The following TET1 variants were observed in gnomAD, a reference collection of about 807,000 sequenced individuals.
TET1 encodes methylcytosine dioxygenase TET1.
TET1 carries 13 observed loss-of-function variants against 148.7 expected under a neutral mutation model. The observed-to-expected ratio is 0.09, with a 90% CI of 0.06 to 0.14. The LOEUF (loss-of-function observed/expected upper bound fraction) is 0.14. Ranked by LOEUF, TET1 falls within the 10% of genes least tolerant of loss-of-function variation. The probability of loss-of-function intolerance (pLI) is 1.00; values close to 1 mark genes in which losing one functional copy is unlikely to be tolerated. For synonymous variants in TET1, 907 were observed against 937.2 expected, an observed-to-expected ratio of 0.97 and a Z score of 0.59; for missense variants, 2,182 against 2,553.8, an observed-to-expected ratio of 0.85 and a Z score of 3.14.
chr10:68,680,992 C>G (rs139074502), intron 8 of TET1, among the ~76,000 whole-genome samples: 1 of 152,306 alleles, frequency 6.6e-6, no homozygotes, highest in East Asian at 1.9e-4. Flanking sequence ...TATGTACTCT[C>G]TCTTCTCCGT....
At chr10:68,669,528 G>A (rs1313293170) in intron 7 of TET1, among the ~76,000 whole-genome samples, 1 of 65,734 alleles carries the variant, frequency 1.5e-5, no homozygotes, top group Admixed American at 1.8e-4. Context: ...GTTTTTTTTT[G>A]TATTTTTAGT....
Position 68,617,720 on chromosome 10 carries a change from A to T in TET1, c.1968+16686A>T, listed in dbSNP as rs192681620. ...CGCCACCACGTCTGGCTAATTTTGT[A>T]TTTTTAGTAGAGGCGGGGTTTCACC... On this transcript the variant is annotated intron_variant, in intron 3 of 11. Transcript: ENST00000373644. Among the ~76,000 whole-genome samples, 253 of 151,410 alleles carry T rather than the reference A, an allele frequency of 1.7e-3. 2 individuals are homozygous for T. Among genetic ancestry groups the T allele is most frequent in the African/African-American group, 5.9e-3 (244 of 41,266 alleles).
intron 11 of TET1, 144 bp downstream of exon 11, chr10:68,686,851 G>A: frequency 2.4e-5 from 18 of 737,638 alleles, no homozygotes; most frequent in East Asian, 5.7e-5. Flanking sequence ...CAACAAAAAA[G>A]TGACCCATCA....
chr10:68,585,309 T>C (rs1326037441), intron 2 of TET1, among the ~76,000 whole-genome samples: 5 of 152,060 alleles, frequency 3.3e-5, no homozygotes, highest in African/African-American at 1.2e-4. Context: ...CAGTCTTGTG[T>C]TTTTAATAGA....
At chr10:68,638,425 G>A (rs973571274) in intron 3 of TET1, among the ~76,000 whole-genome samples, 18 of 152,140 alleles carry the variant, frequency 1.2e-4, no homozygotes, top group African/African-American at 4.3e-4. Context: ...GCATTCTCAA[G>A]AGAAATGAAA....
chr10:68,564,298 G>A (rs755676913), intron 1 of TET1, among the ~76,000 whole-genome samples: 4 of 151,572 alleles, frequency 2.6e-5, no homozygotes, highest in Non-Finnish European at 4.4e-5. Flanking sequence ...ACGGGCATGC[G>A]CTACCATGCC....
chr10:68,610,484 G>A (rs917037545), intron 3 of TET1, among the ~76,000 whole-genome samples: 8 of 151,842 alleles, frequency 5.3e-5, no homozygotes, highest in Non-Finnish European at 7.4e-5. Flanking sequence ...CCAGCTACTC[G>A]GGAAGCTGAG....
intron 6 of TET1, 54 bp downstream of exon 6, chr10:68,652,648 A>AT: frequency 8.5e-7 from 1 of 1,180,672 alleles, no homozygotes; most frequent in East Asian, 2.4e-5. Flanking sequence ...CAGAGCTGAT[A>AT]TTTATACATT....
At chr10:68,637,741 G>A (rs1433985101) in intron 3 of TET1, among the ~76,000 whole-genome samples, 1 of 150,116 alleles carries the variant, frequency 6.7e-6, no homozygotes, top group African/African-American at 2.4e-5. Flanking sequence ...GTGTGGTAGG[G>A]CACACCTGTA....
At chr10:68,688,592 G>T (rs1019978627) in intron 11 of TET1, among the ~76,000 whole-genome samples, 1 of 151,784 alleles carries the variant, frequency 6.6e-6, no homozygotes, top group Non-Finnish European at 1.5e-5. Context: ...CCGCCACCAC[G>T]CCTGGCTAAT....
intron 3 of TET1, among the ~76,000 whole-genome samples, chr10:68,608,227 C>T (rs984724391): frequency 6.6e-6 from 1 of 151,068 alleles, no homozygotes; most frequent in Non-Finnish European, 1.5e-5. Context: ...CGTGCCCAGC[C>T]GACAATGTCC....
intron 6 of TET1, among the ~76,000 whole-genome samples, chr10:68,654,811 C>T (rs1199000410): frequency 1.3e-5 from 2 of 152,146 alleles, no homozygotes; most frequent in African/African-American, 2.4e-5. Context: ...CCAAGTGGTG[C>T]TTCTGACATA....
rs187641111 is a variant in TET1, at chr10:68,665,254, C to T, written c.4462-1791C>T. On this transcript the variant is annotated intron_variant, in intron 6 of 11. Coordinates refer to ENST00000373644, the MANE Select transcript of TET1 (RefSeq NM_030625.3). ...GTCAAGATTCATTTTCTTTCATAAA[C>T]TTTGGAACAATTGGTCAGTTTACAC... Among the ~76,000 whole-genome samples, 740 of 146,800 alleles carry T rather than the reference C, an allele frequency of 5.0e-3. 5 individuals carry two copies. The highest frequency in any genetic ancestry group is 8.6e-3 in the Non-Finnish European group (577 of 67,250).
intron 6 of TET1, among the ~76,000 whole-genome samples, chr10:68,663,234 A>G (rs2133162251): frequency 6.6e-6 from 1 of 152,258 alleles, no homozygotes; most frequent in African/African-American, 2.4e-5. Context: ...ACTGGGGGAG[A>G]GATTTGTGGC....
chr10:68,650,562 C>T (rs908349244), intron 4 of TET1, among the ~76,000 whole-genome samples: 2 of 151,894 alleles, frequency 1.3e-5, no homozygotes, highest in Admixed American at 1.3e-4. Flanking sequence ...ACCCAGGAGG[C>T]GAAGATTGCA....
chr10:68,684,766 T>A (rs569001689), intron 10 of TET1, among the ~76,000 whole-genome samples: 37 of 152,116 alleles, frequency 2.4e-4, no homozygotes, highest in African/African-American at 8.7e-4. Flanking sequence ...ATTTTTTTTA[T>A]TTTTTTTATT....
rs2053701274 is a variant in TET1 at position 68,574,018 on chromosome 10, A to C, written c.1680A>C (p.Thr560=). 1 of 1,614,052 alleles carries C rather than the reference A, an allele frequency of 6.2e-7. No individual in the cohort carries two copies. Among genetic ancestry groups the C allele is most frequent in the African/African-American group, 1.3e-5 (1 of 74,932 alleles). ...VTSTVHVVNT[T]VVTMPVPMVS... The stretch of plus-strand genomic sequence containing the variant: ...GCACAGTTCATGTTGTCAACACCAC[A>C]GTGGTGACTATGCCAGTGCCAATGG... Residue 560 remains threonine (T), a synonymous_variant, in exon 2 of 12, where the codon ACA becomes ACC. Transcript: ENST00000373644.
intron 2 of TET1, among the ~76,000 whole-genome samples, chr10:68,595,855 A>T (rs2053972246): frequency 8.0e-6 from 1 of 124,646 alleles, no homozygotes; most frequent in African/African-American, 3.4e-5. Flanking sequence ...TAACCTTGTG[A>T]TCAGCCCGCC....
chr10:68,673,935 CTTTTT>C (rs11381293), intron 8 of TET1, among the ~76,000 whole-genome samples: 2 of 120,286 alleles, frequency 1.7e-5, no homozygotes, highest in African/African-American at 6.2e-5. Flanking sequence ...CTTTCTTTTT[CTTTTT>C]TTTTTTTCTT....
Sources: allele counts gnomAD v4.1 joint callset (sites outside exome capture counted in the v4.1 genomes callset), GRCh38; gene constraint gnomAD v4.1.1; transcripts MANE v1.5; gene names NCBI Gene and HGNC (gene_info 2026-07-23, HGNC 2026-07-21).